OR51I1: variants seen among roughly 807,000 people sequenced by gnomAD.
OR51I1 encodes the protein olfactory receptor 51I1.
A neutral mutation model predicts 6.9 loss-of-function variants in OR51I1; 5 were observed. The observed-to-expected ratio is 0.73, with a 90% confidence interval of 0.38 to 1.52. The LOEUF (loss-of-function observed/expected upper bound fraction) is 1.52, where lower values mean the gene tolerates loss of function less well. Ranked by LOEUF, OR51I1 falls within the 40% of genes most tolerant of loss-of-function variation. The probability of loss-of-function intolerance (pLI) is 0.03; values close to 1 mark genes in which losing one functional copy is unlikely to be tolerated. For missense variants in OR51I1, 465 were observed against 388.5 expected (o/e 1.20, Z -1.66); for synonymous variants, 183 against 140.3 (o/e 1.30, Z -2.15).
rs751302149 is a variant in OR51I1, at chr11:5,441,432, C to A, written c.83G>T (p.Trp28Leu). The stretch of plus-strand genomic sequence containing the variant: ...GAGGATGCAGAAAATCAGGGCAACC[C>A]AGGTGAGGCCTGTTTGTATCCCAGG... ...GIPGIQTGLT[W>L]VALIFCILYM... is the part of the protein sequence containing the mutation. The change falls in exon 1 of 1, where the codon TGG (tryptophan) becomes TTG (leucine). Residue 28 changes from tryptophan (W) to leucine (L), a missense_variant. Coordinates refer to ENST00000380211, the MANE Select transcript of OR51I1 (RefSeq NM_001005288.3). 6.2e-7 allele frequency: 1 copy of A among 1,613,914 alleles called. No individual in the cohort carries two copies. The highest frequency in any genetic ancestry group is 1.7e-5 in the Admixed American group (1 of 59,978).
At position 5,440,655 on chromosome 11, in the gene OR51I1, G is replaced by A; in HGVS notation, c.860C>T (p.Pro287Leu). ...ACTGTAGATGATAGGGTTGAGCATG[G>A]GTGGTACAAACAGGTAGACATTGGA... ...MMSNVYLFVPPMLNPIIYSVK... is the reference protein window; with the variant it reads ...MMSNVYLFVPLMLNPIIYSVK... The change falls in exon 1 of 1, where the codon CCC becomes CTC. Residue 287 changes from proline to leucine, a missense_variant. Transcript: ENST00000380211. The A allele has an allele frequency of 1.2e-6, 2 of 1,613,860 alleles. No individual in the cohort carries two copies. Among genetic ancestry groups the A allele is most frequent in the Non-Finnish European group, 1.7e-6 (2 of 1,179,826 alleles).
chr11:5,441,471 T>A lies in OR51I1; in HGVS notation c.44A>T (p.Gln15Leu), dbSNP rs1589997782. The change falls in exon 1 of 1, where the codon CAG (glutamine) becomes CTG (leucine). Residue 15 changes from glutamine to leucine, a missense_variant. Coordinates refer to ENST00000380211, the MANE Select transcript of OR51I1 (RefSeq NM_001005288.3). Reference sequence around the variant, plus strand: ...TTGTATCCCAGGAATGCCTGTCAGCTGGAGTGTTGCTGGCTGGAAGGGGGT... The same window carrying A: ...TTGTATCCCAGGAATGCCTGTCAGCAGGAGTGTTGCTGGCTGGAAGGGGGT... ...NGTPFQPATL[Q>L]LTGIPGIQTG... 1 of 1,613,428 alleles carries A rather than the reference T, an allele frequency of 6.2e-7. No individual in the cohort carries two copies. The highest frequency in any genetic ancestry group is 8.5e-7 in the Non-Finnish European group (1 of 1,179,824).
Position 5,441,310 on chromosome 11 carries a change from C to G in OR51I1, c.205G>C (p.Ala69Pro), listed in dbSNP as rs772637819. Residue 69 changes from alanine (A) to proline (P), a missense_variant, in exon 1 of 1, where the codon GCT becomes CCT. Physicochemically the swap from Ala to Pro is conservative, Grantham distance 27. Transcript: ENST00000380211. ...QPMYYFLSML[A>P]LNDLGVSFST... Reference sequence around the variant, plus strand: ...AAGGACACTCCCAGATCATTGAGAGCGAGCATAGAGAGGAAGTAGTACATG... The same window carrying G: ...AAGGACACTCCCAGATCATTGAGAGGGAGCATAGAGAGGAAGTAGTACATG... 10 of 1,613,716 alleles carry G rather than the reference C, an allele frequency of 6.2e-6. No individual in the cohort carries two copies. Among genetic ancestry groups the G allele is most frequent in the Admixed American group, 5.0e-5 (3 of 59,922 alleles).
chr11:5,441,338 C>T lies in OR51I1; in HGVS notation c.177G>A (p.Gln59=). The part of the protein sequence containing the change: ...TLVFWEPALH[Q]PMYYFLSMLA... ...GCATAGAGAGGAAGTAGTACATGGG[C>T]TGATGCAGAGCAGGCTCCCAAAACA... is the stretch of plus-strand genomic sequence containing the variant. Residue 59 remains glutamine (Q), a synonymous_variant, in exon 1 of 1, where the codon CAG becomes CAA. Transcript: ENST00000380211. The T allele has an allele frequency of 1.2e-6, 2 of 1,613,968 alleles. No individual in the cohort carries two copies. The highest frequency in any genetic ancestry group is 1.7e-6 in the Non-Finnish European group (2 of 1,179,910).
chr11:5,441,301 C>A lies in OR51I1; in HGVS notation c.214G>T (p.Asp72Tyr). The A allele has an allele frequency of 1.2e-6, 2 of 1,613,912 alleles. No individual in the cohort carries two copies. The highest frequency in any genetic ancestry group is 1.7e-5 in the Admixed American group (1 of 59,958). ...AGTGTAGAAAAGGACACTCCCAGATCATTGAGAGCGAGCATAGAGAGGAAG... is the reference window on the plus strand; with the variant it reads ...AGTGTAGAAAAGGACACTCCCAGATAATTGAGAGCGAGCATAGAGAGGAAG... ...YYFLSMLALN[D>Y]LGVSFSTLPT... The change falls in exon 1 of 1, where the codon GAT (aspartate) becomes TAT (tyrosine). Residue 72 changes from aspartate to tyrosine, a missense_variant. Coordinates refer to ENST00000380211, the MANE Select transcript of OR51I1 (RefSeq NM_001005288.3).
chr11:5,441,410 G>A lies in OR51I1; in HGVS notation c.105C>T (p.Ile35=). Residue 35 remains isoleucine, a synonymous_variant, in exon 1 of 1, where the codon ATC becomes ATT. Coordinates refer to ENST00000380211, the MANE Select transcript of OR51I1 (RefSeq NM_001005288.3). ...GLTWVALIFC[I]LYMISIVGNL... Reference sequence around the variant, plus strand: ...TACCTACAATGGAGATCATGTAGAGGATGCAGAAAATCAGGGCAACCCAGG... The same window carrying A: ...TACCTACAATGGAGATCATGTAGAGAATGCAGAAAATCAGGGCAACCCAGG... 1 of 1,613,934 alleles carries A rather than the reference G, an allele frequency of 6.2e-7. No homozygotes were observed. Among genetic ancestry groups the A allele is most frequent in the Non-Finnish European group, 8.5e-7 (1 of 1,179,858 alleles).
Position 5,441,373 on chromosome 11 carries a change from G to C in OR51I1, c.142C>G (p.Leu48Val). Residue 48 changes from leucine (L) to valine (V), a missense_variant, in exon 1 of 1, where the codon CTC (leucine) becomes GTC (valine). Transcript: ENST00000380211. Reference sequence around the variant, plus strand: ...GCAGGCTCCCAAAACACCAGAGTGAGAATGCTGAGGTTACCTACAATGGAG... The same window carrying C: ...GCAGGCTCCCAAAACACCAGAGTGACAATGCTGAGGTTACCTACAATGGAG... ...MISIVGNLSI[L>V]TLVFWEPALH... 1 of 1,613,952 alleles carries C rather than the reference G, an allele frequency of 6.2e-7. No individual in the cohort carries two copies. The highest frequency in any genetic ancestry group is 8.5e-7 in the Non-Finnish European group (1 of 1,179,892).
chr11:5,441,492 G>A lies in OR51I1; in HGVS notation c.23C>T (p.Pro8Leu), dbSNP rs377352485. Residue 8 changes from proline (P) to leucine (L), a missense_variant, in exon 1 of 1, where the codon CCC becomes CTC. Physicochemically the swap from Pro to Leu is moderately conservative, Grantham distance 98 (BLOSUM62 -3). Transcript: ENST00000380211. MLGLNGTPFQPATLQLTG... is the reference protein window; with the variant it reads MLGLNGTLFQPATLQLTG... ...CAGCTGGAGTGTTGCTGGCTGGAAG[G>A]GGGTGCCATTGAGACCCAGCATGGT... 3 of 1,612,288 alleles carry A rather than the reference G, an allele frequency of 1.9e-6. No individual in the cohort carries two copies. The highest frequency in any genetic ancestry group is 2.2e-5 in the South Asian group (2 of 91,070).
rs775674775 is a variant in OR51I1, at chr11:5,441,068, G to T, written c.447C>A (p.Gly149=). ...THNRILAMGL[G]ILTKSFTTLF... ...GAGTGGTGAAACTCTTGGTAAGGATGCCCAGACCCATAGCCAATATACGGT... is the reference window on the plus strand; with the variant it reads ...GAGTGGTGAAACTCTTGGTAAGGATTCCCAGACCCATAGCCAATATACGGT... The change falls in exon 1 of 1, where the codon GGC becomes GGA. Residue 149 remains glycine, a synonymous_variant. Coordinates refer to ENST00000380211, the MANE Select transcript of OR51I1 (RefSeq NM_001005288.3). The T allele has an allele frequency of 4.5e-5, 73 of 1,613,846 alleles. 1 individual carries two copies. In the South Asian group the frequency reaches 8.0e-4, roughly 18 times the overall value.
chr11:5,440,662 C>T lies in OR51I1; in HGVS notation c.853G>A (p.Val285Ile). 1 of 1,613,872 alleles carries T rather than the reference C, an allele frequency of 6.2e-7. No homozygotes were observed. Among genetic ancestry groups the T allele is most frequent in the Non-Finnish European group, 8.5e-7 (1 of 1,179,868 alleles). Reference protein sequence around the residue: ...HVMMSNVYLFVPPMLNPIIYS... With the variant: ...HVMMSNVYLFIPPMLNPIIYS... ...ATGATAGGGTTGAGCATGGGTGGTACAAACAGGTAGACATTGGACATCATG... is the reference window on the plus strand; with the variant it reads ...ATGATAGGGTTGAGCATGGGTGGTATAAACAGGTAGACATTGGACATCATG... Residue 285 changes from valine to isoleucine, a missense_variant, in exon 1 of 1, where the codon GTA (valine) becomes ATA (isoleucine). By Grantham distance (29) the Val-to-Ile change is conservative (BLOSUM62 3). Coordinates refer to ENST00000380211, the MANE Select transcript of OR51I1 (RefSeq NM_001005288.3).
Position 5,441,139 on chromosome 11 carries a change from C to A in OR51I1, c.376G>T (p.Val126Leu). The change falls in exon 1 of 1, where the codon GTG becomes TTG. Residue 126 changes from valine to leucine, a missense_variant. Physicochemically the swap from Val to Leu is conservative, Grantham distance 32. Transcript: ENST00000380211. ...TAGCGTAATGGATAACAAATAGCCA[C>A]AAAGCGATCCAAGCTCATGGCCAGC... is the stretch of plus-strand genomic sequence containing the variant. ...ILLAMSLDRF[V>L]AICYPLRYVT... 3.7e-6 allele frequency: 6 copies of A among 1,613,968 alleles called. No individual in the cohort carries two copies. The highest frequency in any genetic ancestry group is 5.1e-6 in the Non-Finnish European group (6 of 1,179,970).
Position 5,440,871 on chromosome 11 carries a change from A to G in OR51I1, c.644T>C (p.Phe215Ser), listed in dbSNP as rs372200797. 5.0e-6 allele frequency: 8 copies of G among 1,613,724 alleles called. No homozygotes were observed. In the African/African-American group the frequency reaches 1.1e-4, roughly 22 times the overall value. Residue 215 changes from phenylalanine to serine, a missense_variant, in exon 1 of 1, where the codon TTC (phenylalanine) becomes TCC (serine). Physicochemically the swap from Phe to Ser is radical, Grantham distance 155. Transcript: ENST00000380211. ...GATCAATGCGTAGGAAAGCAGGATG[A>G]AAGTTGAGTCCATACCATAGGTAAA... is the stretch of plus-strand genomic sequence containing the variant. ...IIFTYGMDST[F>S]ILLSYALILR...
chr11:5,440,926 T>A lies in OR51I1; in HGVS notation c.589A>T (p.Asn197Tyr), dbSNP rs763041371. ...ATCACCAAGAGCCCATAAATGTTGT[T>A]AACATGGATGTCTCCACATGCTACT... ...MKVACGDIHV[N>Y]NIYGLLVIIF... The change falls in exon 1 of 1, where the codon AAC (asparagine) becomes TAC (tyrosine). Residue 197 changes from asparagine to tyrosine, a missense_variant. Asn to Tyr is a moderately radical substitution (Grantham distance 143). Coordinates refer to ENST00000380211, the MANE Select transcript of OR51I1 (RefSeq NM_001005288.3). The A allele has an allele frequency of 6.2e-7, 1 of 1,613,862 alleles. No homozygotes were observed. Among genetic ancestry groups the A allele is most frequent in the Admixed American group, 1.7e-5 (1 of 59,910 alleles).
At position 5,440,968 on chromosome 11, in the gene OR51I1, G is replaced by A; in HGVS notation, c.547C>T (p.His183Tyr). Reference sequence around the variant, plus strand: ...CATGCTACTTTCATGAGATCTGGATGGAGACAGTAGGAGTGATGCAAAACA... The same window carrying A: ...CATGCTACTTTCATGAGATCTGGATAGAGACAGTAGGAGTGATGCAAAACA... The part of the protein sequence containing the change: ...GNVLHHSYCL[H>Y]PDLMKVACGD... Residue 183 changes from histidine to tyrosine, a missense_variant, in exon 1 of 1, where the codon CAT (histidine) becomes TAT (tyrosine). Transcript: ENST00000380211. The A allele has an allele frequency of 1.2e-6, 2 of 1,614,002 alleles. No homozygotes were observed. The highest frequency in any genetic ancestry group is 1.7e-4 in the Middle Eastern group (1 of 6,058).
Position 5,440,615 on chromosome 11 carries a change from C to G in OR51I1, c.900G>C (p.Glu300Asp). ...NPIIYSVKTK[E>D]IRKGILKFFH... ...AGAACTTGAGAATCCCTTTGCGGATCTCCTTGGTTTTCACACTGTAGATGA... is the reference window on the plus strand; with the variant it reads ...AGAACTTGAGAATCCCTTTGCGGATGTCCTTGGTTTTCACACTGTAGATGA... The change falls in exon 1 of 1, where the codon GAG (glutamate) becomes GAC (aspartate). Residue 300 changes from glutamate (E) to aspartate (D), a missense_variant. Glu to Asp is a conservative substitution (Grantham distance 45). Coordinates refer to ENST00000380211, the MANE Select transcript of OR51I1 (RefSeq NM_001005288.3). 1 of 1,613,716 alleles carries G rather than the reference C, an allele frequency of 6.2e-7. No homozygotes were observed. Among genetic ancestry groups the G allele is most frequent in the Non-Finnish European group, 8.5e-7 (1 of 1,179,760 alleles).
In OR51I1 at chr11:5,441,085, A is replaced by G. The variant is rs754090873; in HGVS notation, c.430T>C (p.Leu144=). 6.2e-7 allele frequency: 1 copy of G among 1,614,024 alleles called. No homozygotes were observed. The highest frequency in any genetic ancestry group is 2.2e-5 in the East Asian group (1 of 44,870). The stretch of plus-strand genomic sequence containing the variant: ...GTAAGGATGCCCAGACCCATAGCCA[A>G]TATACGGTTGTGAGTGAGCACAGTG... ...YVTVLTHNRI[L]AMGLGILTKS... The change falls in exon 1 of 1, where the codon TTG becomes CTG. Residue 144 remains leucine, a synonymous_variant. Coordinates refer to ENST00000380211, the MANE Select transcript of OR51I1 (RefSeq NM_001005288.3).
At position 5,440,668 on chromosome 11, in the gene OR51I1, G is replaced by A. The variant is rs1190935182; in HGVS notation, c.847C>T (p.Leu283=). The A allele has an allele frequency of 6.2e-7, 1 of 1,613,884 alleles. No homozygotes were observed. Among genetic ancestry groups the A allele is most frequent in the South Asian group, 1.1e-5 (1 of 91,070 alleles). Residue 283 remains leucine, a synonymous_variant, in exon 1 of 1, where the codon CTG becomes TTG. Coordinates refer to ENST00000380211, the MANE Select transcript of OR51I1 (RefSeq NM_001005288.3). ...GGGTTGAGCATGGGTGGTACAAACA[G>A]GTAGACATTGGACATCATGACATGA... ...VVHVMMSNVY[L]FVPPMLNPII...
Position 5,441,201 on chromosome 11 carries a change from A to C in OR51I1, c.314T>G (p.Phe105Cys). 6.2e-7 allele frequency: 1 copy of C among 1,614,042 alleles called. No individual in the cohort carries two copies. The highest frequency in any genetic ancestry group is 1.3e-5 in the African/African-American group (1 of 75,054). The change falls in exon 1 of 1, where the codon TTC becomes TGC. Residue 105 changes from phenylalanine (F) to cysteine (C), a missense_variant. Coordinates refer to ENST00000380211, the MANE Select transcript of OR51I1 (RefSeq NM_001005288.3). The part of the protein sequence containing the change: ...AFNACLVQMF[F>C]IHTFSFMESG... ...CTCCATGAAGGAGAAAGTGTGGATG[A>C]AGAACATCTGGACCAGGCAAGCATT... is the stretch of plus-strand genomic sequence containing the variant.
rs1013498388 is a variant in OR51I1, at chr11:5,441,342, T to C, written c.173A>G (p.His58Arg). 6.2e-7 allele frequency: 1 copy of C among 1,613,860 alleles called. No individual in the cohort carries two copies. Among genetic ancestry groups the C allele is most frequent in the African/African-American group, 1.3e-5 (1 of 74,922 alleles). ...AGAGAGGAAGTAGTACATGGGCTGA[T>C]GCAGAGCAGGCTCCCAAAACACCAG... The part of the protein sequence containing the change: ...LTLVFWEPAL[H>R]QPMYYFLSML... The change falls in exon 1 of 1, where the codon CAT becomes CGT. Residue 58 changes from histidine to arginine, a missense_variant. By Grantham distance (29) the His-to-Arg change is conservative. Transcript: ENST00000380211.
Sources: allele counts gnomAD v4.1 joint callset, GRCh38; gene constraint gnomAD v4.1.1; transcripts MANE v1.5; gene names NCBI Gene and HGNC (gene_info 2026-07-23, HGNC 2026-07-21).